The following ACTR3C variants were observed in gnomAD, a reference collection of about 807,000 sequenced individuals.
ACTR3C encodes actin related protein 3C.
In ACTR3C, 18 loss-of-function variants were observed where a neutral mutation model predicts 26.3. The observed-to-expected ratio is 0.68, with a 90% confidence interval of 0.47 to 1.01. The LOEUF is 1.01. Among genes scored for constraint, ACTR3C ranks in the 50% least tolerant of loss-of-function variants. The pLI, the probability that ACTR3C is intolerant of heterozygous loss-of-function variation, is 0.00. For synonymous variants in ACTR3C, 55 were observed against 94.5 expected, an observed-to-expected ratio of 0.58 and a Z score of 2.42; for missense variants, 184 against 250.7, an observed-to-expected ratio of 0.73 and a Z score of 1.80.
intron 6 of ACTR3C, among the ~76,000 whole-genome samples, chr7:150,249,940 CG>C (rs1449587695): frequency 1.3e-5 from 2 of 152,300 alleles, no homozygotes; most frequent in Middle Eastern, 3.4e-3. Flanking sequence ...GCCTCACTTC[CG>C]GGGACTGTGA....
chr7:150,077,468 C>G, the ACTR3C span, among the ~76,000 whole-genome samples: 1 of 152,134 alleles, frequency 6.6e-6, no homozygotes, highest in Non-Finnish European at 1.5e-5. Flanking sequence ...TTTGTCACTT[C>G]CCAGGCAGGG....
chr7:150,180,657 C>T, the ACTR3C span, among the ~76,000 whole-genome samples: 2,436 of 147,878 alleles, frequency 0.016, 196 homozygotes, highest in African/African-American at 0.06. Flanking sequence ...GGACTACAGG[C>T]GCGCGCCACC....
the ACTR3C span, among the ~76,000 whole-genome samples, chr7:150,160,086 C>T: frequency 6.6e-6 from 1 of 152,156 alleles, no homozygotes; most frequent in African/African-American, 2.4e-5. Context: ...TGAGCCACTG[C>T]ACCCAGCCTA....
chr7:150,203,507 C>A, the ACTR3C span, among the ~76,000 whole-genome samples: 111 of 152,350 alleles, frequency 7.3e-4, 3 homozygotes, highest in African/African-American at 2.5e-3. Context: ...GATACACCCC[C>A]TGAATGTAGA....
chr7:150,100,942 C>A, the ACTR3C span, among the ~76,000 whole-genome samples: 2 of 151,534 alleles, frequency 1.3e-5, no homozygotes, highest in African/African-American at 4.9e-5. Flanking sequence ...TGAGCTCAGG[C>A]GATCCACTTG....
chr7:150,148,153 T>TA, the ACTR3C span, among the ~76,000 whole-genome samples: 1,665 of 115,160 alleles, frequency 0.014, 28 homozygotes, highest in African/African-American at 0.041. Flanking sequence ...GCTTAAAAGT[T>TA]AAAAAAAAAA....
chr7:150,023,342 T>TACATACATAC, the ACTR3C span, among the ~76,000 whole-genome samples: 3 of 18,302 alleles, frequency 1.6e-4, no homozygotes, highest in African/African-American at 3.3e-4. Flanking sequence ...TACATACATA[T>TACATACATAC]ATATTTTAGA....
the ACTR3C span, among the ~76,000 whole-genome samples, chr7:149,931,443 A>G: frequency 6.6e-6 from 1 of 152,174 alleles, no homozygotes; most frequent in African/African-American, 2.4e-5. Context: ...AGGATGGCTC[A>G]CAGGTGAGAT....
the ACTR3C span, among the ~76,000 whole-genome samples, chr7:150,185,274 G>GGTGTGTGTGTGTGT: frequency 4.2e-4 from 52 of 124,264 alleles, no homozygotes; most frequent in African/African-American, 1.4e-3. Context: ...TTAAATGTCA[G>GGTGTGTGTGTGTGT]GCGTGTGTGT....
the ACTR3C span, among the ~76,000 whole-genome samples, chr7:150,069,887 T>G: frequency 1.3e-5 from 2 of 152,060 alleles, no homozygotes; most frequent in African/African-American, 4.8e-5. Flanking sequence ...ACCAGGGACT[T>G]CTGCGGGGAA....
At chr7:150,256,354 T>C (rs1032588179) in intron 6 of ACTR3C, among the ~76,000 whole-genome samples, 9 of 152,378 alleles carry the variant, frequency 5.9e-5, no homozygotes, top group Middle Eastern at 3.4e-3. Flanking sequence ...TCCAAACTGC[T>C]TTCCACAGCA....
At chr7:150,164,331 G>A in the ACTR3C span, among the ~76,000 whole-genome samples, 1 of 152,178 alleles carries the variant, frequency 6.6e-6, no homozygotes, top group African/African-American at 2.4e-5. Context: ...TGGGGTGAGG[G>A]TGTTTCAGCC....
At chr7:150,034,765 GC>G in the ACTR3C span, among the ~76,000 whole-genome samples, 2 of 151,092 alleles carry the variant, frequency 1.3e-5, no homozygotes, top group African/African-American at 4.9e-5. Context: ...AACGAAGGGG[GC>G]CCTAAGCCAG....
chr7:150,027,252 G>A, the ACTR3C span, among the ~76,000 whole-genome samples: 1 of 152,104 alleles, frequency 6.6e-6, no homozygotes. Flanking sequence ...CTCGGTGTGG[G>A]GATCATTGCA....
chr7:150,084,238 G>GAA, the ACTR3C span, among the ~76,000 whole-genome samples: 2 of 147,952 alleles, frequency 1.4e-5, no homozygotes, highest in Non-Finnish European at 3.0e-5. Context: ...TGGCTTCTCT[G>GAA]AAAAAAAAAA....
the ACTR3C span, among the ~76,000 whole-genome samples, chr7:149,946,041 G>A: frequency 3.9e-5 from 6 of 152,190 alleles, no homozygotes; most frequent in African/African-American, 7.2e-5. Flanking sequence ...GTGAATCATG[G>A]GGGGGAAAGC....
the ACTR3C span, among the ~76,000 whole-genome samples, chr7:149,978,751 C>A: frequency 6.6e-6 from 1 of 152,066 alleles, no homozygotes; most frequent in African/African-American, 2.4e-5. Context: ...TTTGTGTTTT[C>A]TTCCTCCCTC....
At chr7:150,206,997 T>A in the ACTR3C span, among the ~76,000 whole-genome samples, 1 of 152,250 alleles carries the variant, frequency 6.6e-6, no homozygotes, top group Non-Finnish European at 1.5e-5. Context: ...TAGAATCTAT[T>A]CTCTGTGGTT....
chr7:150,147,459 T>C, the ACTR3C span, among the ~76,000 whole-genome samples: 3 of 152,192 alleles, frequency 2.0e-5, no homozygotes, highest in African/African-American at 7.2e-5. Flanking sequence ...TAAATAGAGA[T>C]AAAATATGCA....
Sources: allele counts gnomAD v4.1 joint callset (sites outside exome capture counted in the v4.1 genomes callset), GRCh38; gene constraint gnomAD v4.1.1; transcripts MANE v1.5; gene names NCBI Gene and HGNC (gene_info 2026-07-23, HGNC 2026-07-21).